The following ADCY2 variants were observed in gnomAD, a reference collection of about 807,000 sequenced individuals.
The protein encoded by ADCY2 is adenylate cyclase 2.
In ADCY2, 31 loss-of-function variants were observed where a neutral mutation model predicts 125.2. That is an observed-to-expected ratio of 0.25 (90% CI 0.19 to 0.33). ADCY2 has a LOEUF of 0.33. ADCY2 is among the 10% of genes least tolerant of loss of function. ADCY2 has a pLI of 1.00. For missense variants in ADCY2, 904 were observed against 1,418.2 expected (o/e 0.64, Z 5.82); for synonymous variants, 512 against 548.4 (o/e 0.93, Z 0.93).
chr5:7,561,267 G>A (rs924216588), intron 3 of ADCY2, among the ~76,000 whole-genome samples: 90 of 152,236 alleles, frequency 5.9e-4, no homozygotes, highest in Middle Eastern at 6.8e-3. Context: ...GCATCGTTAG[G>A]CAATTTCATC....
chr5:7,468,281 C>G (rs2126451761), intron 2 of ADCY2, among the ~76,000 whole-genome samples: 1 of 152,144 alleles, frequency 6.6e-6, no homozygotes, highest in East Asian at 1.9e-4. Flanking sequence ...GAGAGACTTA[C>G]AGAAAATGAG....
chr5:7,823,583 GTCTTA>G (rs1288456117), intron 24 of ADCY2, among the ~76,000 whole-genome samples: 1 of 152,154 alleles, frequency 6.6e-6, no homozygotes, highest in Non-Finnish European at 1.5e-5. Context: ...ACAACCCCAG[GTCTTA>G]TCTTGGCAGG....
chr5:7,514,592 T>C (rs1005872823), intron 2 of ADCY2, among the ~76,000 whole-genome samples: 10 of 152,212 alleles, frequency 6.6e-5, no homozygotes, highest in Non-Finnish European at 7.3e-5. Flanking sequence ...TCCGCAGTAC[T>C]TGTGAATGTG....
At chr5:7,522,228 T>C (rs2126534442) in intron 3 of ADCY2, 1 of 152,322 alleles carries the variant, frequency 6.6e-6, no homozygotes, top group Middle Eastern at 3.4e-3. Flanking sequence ...GTAATGGTTG[T>C]CACATTTAGA....
At chr5:7,606,374 A>G (rs943749819) in intron 3 of ADCY2, among the ~76,000 whole-genome samples, 2 of 152,228 alleles carry the variant, frequency 1.3e-5, no homozygotes, top group African/African-American at 2.4e-5. Flanking sequence ...GTTTGGGCTT[A>G]TGTCCAATGG....
intron 3 of ADCY2, among the ~76,000 whole-genome samples, chr5:7,561,112 C>G (rs1213336153): frequency 6.6e-6 from 1 of 152,250 alleles, no homozygotes; most frequent in Non-Finnish European, 1.5e-5. Context: ...CCTGAAGACA[C>G]ATGCTTGCAT....
At chr5:7,806,915 G>A (rs1170740713) in intron 22 of ADCY2, among the ~76,000 whole-genome samples, 1 of 152,072 alleles carries the variant, frequency 6.6e-6, no homozygotes, top group Non-Finnish European at 1.5e-5. Flanking sequence ...CATGATTGCT[G>A]AGCTTCTTTC....
intron 3 of ADCY2, among the ~76,000 whole-genome samples, chr5:7,538,336 A>G (rs559467739): frequency 6.6e-6 from 1 of 152,300 alleles, no homozygotes; most frequent in South Asian, 2.1e-4. Context: ...TTCTCTGGCC[A>G]TCTGTTTACT....
intron 3 of ADCY2, among the ~76,000 whole-genome samples, chr5:7,616,220 A>G (rs1479481857): frequency 6.6e-6 from 1 of 152,192 alleles, no homozygotes; most frequent in Admixed American, 6.5e-5. Flanking sequence ...GAAGAAGTAT[A>G]ATAATGTCAG....
intron 4 of ADCY2, among the ~76,000 whole-genome samples, chr5:7,656,367 A>G (rs1739327187): frequency 6.6e-6 from 1 of 152,196 alleles, no homozygotes; most frequent in African/African-American, 2.4e-5. Flanking sequence ...TGCTAGTGCT[A>G]AAACACTTCC....
Position 7,761,149 on chromosome 5 carries a change from T to TTTC in ADCY2, c.2094+3565_2094+3566insCTT, listed in dbSNP as rs1553985943. 3.3e-3 allele frequency among the ~76,000 whole-genome samples: 13 copies of TTTC among 3,982 alleles called. No individual in the cohort carries two copies. In the East Asian group the frequency reaches 0.25, roughly 77 times the overall value. 2.6% of individuals were successfully genotyped at this position (3,982 alleles called of 152,430 possible). On this transcript the variant is annotated intron_variant, in intron 16 of 24. Coordinates refer to ENST00000338316, the MANE Select transcript of ADCY2 (RefSeq NM_020546.3). Reference sequence around the variant, plus strand: ...TCAAAATTTCTTTTCTTTTCTTTTCTTTTTTTTTTTTTTTTTTTGAGATGG... The same window carrying TTTC: ...TCAAAATTTCTTTTCTTTTCTTTTCTTTCTTTTTTTTTTTTTTTTTTGAGATGG...
At position 7,522,739 on chromosome 5, in the gene ADCY2, T is replaced by TAAAAAA. The variant is rs35601967; in HGVS notation, c.570+1872_570+1877dup. 7.7e-4 allele frequency: 94 copies of TAAAAAA among 122,582 alleles called. 2 individuals carry two copies. The highest frequency in any genetic ancestry group is 1.1e-3 in the Non-Finnish European group (67 of 63,462). The allele number at this position is 122,582 out of a possible 1,614,324, so 7.6% of individuals were successfully genotyped here. A position where few individuals can be genotyped will look rare whatever the true frequency, so the allele number is the denominator to read the frequency against. ...AACACGGTGAAACCCCATCTCTACT[T>TAAAAAA]AAAAAAAAAAAAAAAAAAAAAAAAA... is the stretch of plus-strand genomic sequence containing the variant. On this transcript the variant is annotated intron_variant, in intron 3 of 24. Transcript: ENST00000338316.
At chr5:7,422,633 A>G (rs1740245347) in intron 2 of ADCY2, among the ~76,000 whole-genome samples, 1 of 152,220 alleles carries the variant, frequency 6.6e-6, no homozygotes, top group African/African-American at 2.4e-5. Flanking sequence ...CAGGGAGACC[A>G]TACTGAAGTT....
rs1745468833 is a variant in ADCY2, at chr5:7,826,117, C to G, written c.3124-602C>G. Among the ~76,000 whole-genome samples, 4 of 152,164 alleles carry G rather than the reference C, an allele frequency of 2.6e-5. No homozygotes were observed. In the South Asian group the frequency reaches 8.3e-4, roughly 32 times the overall value. Reference sequence around the variant, plus strand: ...GCTCATGCGGACACCAGTGCAAATTCCTACAGCTCTTTCAGTTTTAGGTTA... The same window carrying G: ...GCTCATGCGGACACCAGTGCAAATTGCTACAGCTCTTTCAGTTTTAGGTTA... On this transcript the variant is annotated intron_variant, in intron 24 of 24. Transcript: ENST00000338316.
chr5:7,574,974 T>C (rs1736199427), intron 3 of ADCY2, among the ~76,000 whole-genome samples: 1 of 152,172 alleles, frequency 6.6e-6, no homozygotes, highest in African/African-American at 2.4e-5. Context: ...CTTATAGTAT[T>C]GTATGAAGAA....
chr5:7,427,395 G>T (rs763414796), intron 2 of ADCY2, among the ~76,000 whole-genome samples: 139 of 152,146 alleles, frequency 9.1e-4, no homozygotes, highest in Admixed American at 2.6e-3. Flanking sequence ...TACAATCATG[G>T]CAGAAGGTGA....
At chr5:7,528,511 T>C (rs1579539747) in intron 3 of ADCY2, among the ~76,000 whole-genome samples, 1 of 152,150 alleles carries the variant, frequency 6.6e-6, no homozygotes, top group Non-Finnish European at 1.5e-5. Context: ...AGCCCTATCA[T>C]AACATGAATT....
chr5:7,569,372 T>G (rs1736003167), intron 3 of ADCY2, among the ~76,000 whole-genome samples: 1 of 152,112 alleles, frequency 6.6e-6, no homozygotes. Context: ...TGAAAAAGAC[T>G]TGGGCCAAAT....
intron 7 of ADCY2, among the ~76,000 whole-genome samples, chr5:7,703,129 G>A (rs2126342119): frequency 6.6e-6 from 1 of 152,132 alleles, no homozygotes; most frequent in South Asian, 2.1e-4. Flanking sequence ...CTGGATATTA[G>A]CCCTTTGTCA....
Sources: allele counts gnomAD v4.1 joint callset (sites outside exome capture counted in the v4.1 genomes callset), GRCh38; gene constraint gnomAD v4.1.1; transcripts MANE v1.5; gene names NCBI Gene and HGNC (gene_info 2026-07-23, HGNC 2026-07-21).